Variants in DDX31 observed in about 807,000 individuals in gnomAD.
The protein encoded by DDX31 is DEAD-box helicase 31, also known as ATP-dependent DNA helicase DDX31.
In DDX31, 70 loss-of-function variants were observed where a neutral mutation model predicts 91.3. The observed-to-expected ratio is 0.77, with a 90% CI of 0.63 to 0.94. DDX31 has a LOEUF of 0.94. DDX31 is among the 40% of genes least tolerant of loss of function. The pLI is 0.00. For synonymous variants in DDX31, 362 were observed against 350.6 expected, an observed-to-expected ratio of 1.03 and a Z score of -0.36; for missense variants, 902 against 925.0, an observed-to-expected ratio of 0.98 and a Z score of 0.32.
chr9:132,628,292 T>C (rs1271426919), intron 16 of DDX31, among the ~76,000 whole-genome samples: 3 of 152,156 alleles, frequency 2.0e-5, no homozygotes, highest in Non-Finnish European at 2.9e-5. Context: ...GCAAATGCTC[T>C]TCCACCACCC....
rs1471555746 is a variant in DDX31 at position 132,665,341 on chromosome 9, A to G, written c.76-2646T>C. Among the ~76,000 whole-genome samples the G allele has an allele frequency of 2.0e-5, 3 of 152,240 alleles. No individual in the cohort carries two copies. The East Asian group carries it at 5.8e-4, about 29-fold the overall frequency. On this transcript the variant is annotated intron_variant, in intron 1 of 19. Transcript: ENST00000372159. ...GTTGTCAAGAAGCTTCGTTCTGAAGATACAAAGTAGATTTGCCAAGCCCTT... is the reference window on the plus strand; with the variant it reads ...GTTGTCAAGAAGCTTCGTTCTGAAGGTACAAAGTAGATTTGCCAAGCCCTT...
intron 19 of DDX31, among the ~76,000 whole-genome samples, chr9:132,607,723 C>T (rs946313356): frequency 1.3e-5 from 2 of 152,160 alleles, no homozygotes; most frequent in East Asian, 1.9e-4. Context: ...CTGTCACCCA[C>T]GCTGGAGAAC....
intron 11 of DDX31, 44 bp from the exon 12 acceptor site, chr9:132,647,102 A>G (rs2130771317): frequency 4.4e-6 from 7 of 1,587,556 alleles, no homozygotes; most frequent in Non-Finnish European, 6.0e-6. Flanking sequence ...CAAACACACC[A>G]TGAAACTGGT....
At chr9:132,620,071 G>C (rs578174037) in intron 17 of DDX31, among the ~76,000 whole-genome samples, 3 of 152,174 alleles carry the variant, frequency 2.0e-5, no homozygotes, top group Admixed American at 2.0e-4. Context: ...AAGCCGGGCA[G>C]CCAGGACCGA....
chr9:132,598,712 T>C (rs748136561), intron 19 of DDX31, among the ~76,000 whole-genome samples: 5 of 152,264 alleles, frequency 3.3e-5, no homozygotes, highest in Non-Finnish European at 7.3e-5. Context: ...CACTCTTTTA[T>C]AGGACAGAAG....
intron 3 of DDX31, 119 bp downstream of exon 3, chr9:132,662,142 A>G (rs1202219362): frequency 2.3e-5 from 22 of 973,858 alleles, no homozygotes; most frequent in Non-Finnish European, 3.1e-5. Context: ...CATTCAGGTA[A>G]CTTAGAGCAG....
chr9:132,654,803 G>T (rs551170422), intron 6 of DDX31, among the ~76,000 whole-genome samples: 1 of 150,986 alleles, frequency 6.6e-6, no homozygotes, highest in Admixed American at 6.6e-5. Context: ...AAAATTAGGC[G>T]GGCGTGGTGG....
rs909727805 is a variant in DDX31 at position 132,654,924 on chromosome 9, C to G, written c.589-2432G>C. Among the ~76,000 whole-genome samples, 3 of 119,704 alleles carry G rather than the reference C, an allele frequency of 2.5e-5. No homozygotes were observed. In the Admixed American group the frequency reaches 3.3e-4, roughly 13 times the overall value. The allele number at this position is 119,704 out of a possible 152,430, so 78.5% of individuals were successfully genotyped here. On this transcript the variant is annotated intron_variant, in intron 6 of 19. Transcript: ENST00000372159. ...TTACGCCACTCCACTCCAACCAGGG[C>G]AACAGAGCGAGACTCTGTCTCAAAA...
intron 17 of DDX31, among the ~76,000 whole-genome samples, chr9:132,619,955 T>C (rs1831909942): frequency 6.6e-6 from 1 of 152,082 alleles, no homozygotes; most frequent in South Asian, 2.1e-4. Context: ...TCCTCTGTTA[T>C]TAAAAAGTAA....
intron 6 of DDX31, among the ~76,000 whole-genome samples, chr9:132,655,792 C>G (rs1027437650): frequency 3.9e-5 from 6 of 152,204 alleles, no homozygotes; most frequent in African/African-American, 1.2e-4. Flanking sequence ...ACTGCCAAAG[C>G]TAAGCACAGA....
chr9:132,640,954 G>A (rs184717124), intron 14 of DDX31, among the ~76,000 whole-genome samples: 1 of 152,280 alleles, frequency 6.6e-6, no homozygotes, highest in Admixed American at 6.5e-5. Flanking sequence ...ATCTCCTCAG[G>A]AGGCAAGTAT....
intron 14 of DDX31, among the ~76,000 whole-genome samples, chr9:132,637,491 C>T (rs1833190131): frequency 6.6e-6 from 1 of 152,170 alleles, no homozygotes; most frequent in African/African-American, 2.4e-5. Flanking sequence ...CATTTATTTA[C>T]CCAAGAACCT....
rs151307181 is a variant in DDX31, at chr9:132,639,660, C to T, written c.1440+2344G>A. 3.0e-3 allele frequency among the ~76,000 whole-genome samples: 450 copies of T among 152,306 alleles called. 2 individuals carry two copies. The highest frequency in any genetic ancestry group is 0.01 in the African/African-American group (427 of 41,568). ...TCAGAAAGAATAATCTTTTCTTCCA[C>T]GCAGAGCTACTAAAAATACAAACAA... On this transcript the variant is annotated intron_variant, in intron 14 of 19. Coordinates refer to ENST00000372159, the MANE Select transcript of DDX31 (RefSeq NM_022779.9).
intron 14 of DDX31, among the ~76,000 whole-genome samples, chr9:132,640,168 T>A (rs1022149708): frequency 2.0e-5 from 3 of 152,196 alleles, no homozygotes; most frequent in Non-Finnish European, 4.4e-5. Flanking sequence ...GGGATGATCA[T>A]TACAGTGAAG....
intron 1 of DDX31, chr9:132,663,420 G>T (rs2583805): frequency 1.9e-5 from 19 of 985,262 alleles, no homozygotes; most frequent in African/African-American, 1.9e-4. Context: ...GCCTGATTGC[G>T]GATTACAGGC....
intron 17 of DDX31, among the ~76,000 whole-genome samples, chr9:132,623,967 C>T (rs1007314280): frequency 6.6e-6 from 1 of 152,076 alleles, no homozygotes; most frequent in Non-Finnish European, 1.5e-5. Flanking sequence ...GAGTTCGAGA[C>T]CAGCCTGACC....
chr9:132,644,488 G>A (rs909018881), intron 13 of DDX31, among the ~76,000 whole-genome samples: 2 of 152,174 alleles, frequency 1.3e-5, no homozygotes, highest in Non-Finnish European at 2.9e-5. Flanking sequence ...GCCAGCAAGT[G>A]ACAGCCAGGA....
At chr9:132,634,987 T>G (rs796122241) in intron 14 of DDX31, among the ~76,000 whole-genome samples, 5 of 152,314 alleles carry the variant, frequency 3.3e-5, no homozygotes, top group African/African-American at 1.2e-4. Context: ...TTGATTGACT[T>G]ACTTAGTTTT....
intron 9 of DDX31, 32 bp from the exon 10 acceptor site, chr9:132,648,583 A>G (rs917162216): frequency 6.3e-7 from 1 of 1,589,244 alleles, no homozygotes; most frequent in Non-Finnish European, 8.5e-7. Context: ...AAAAGAAAGT[A>G]AATCAAACAG....
Sources: gnomAD v4.1 joint callset for allele counts (sites outside exome capture counted in the v4.1 genomes callset) on GRCh38, gnomAD v4.1.1 for gene constraint, MANE v1.5 for transcripts, NCBI Gene and HGNC (gene_info 2026-07-23, HGNC 2026-07-21) for gene names.